Variants in SSH2 observed in about 807,000 individuals in gnomAD.
The protein encoded by SSH2 is protein phosphatase Slingshot homolog 2.
SSH2 carries 37 observed loss-of-function variants against 135.2 expected under a neutral mutation model. The observed-to-expected ratio is 0.27, with a 90% CI of 0.21 to 0.36. The LOEUF is 0.36. Among genes scored for constraint, SSH2 ranks in the 10% least tolerant of loss-of-function variants. The pLI, the probability that SSH2 is intolerant of heterozygous loss-of-function variation, is 1.00. For missense variants in SSH2, 1,408 were observed against 1,765.3 expected, an observed-to-expected ratio of 0.80 and a Z score of 3.63; for synonymous variants, 628 against 646.2, an observed-to-expected ratio of 0.97 and a Z score of 0.43.
rs1484212397 is a variant in SSH2, at chr17:29,627,687, T to C, written c.*3154A>G. The C allele has an allele frequency of 6.6e-6, 1 of 152,610 alleles. No individual in the cohort carries two copies. The highest frequency in any genetic ancestry group is 1.5e-5 in the Non-Finnish European group (1 of 68,032). 9.5% of individuals were successfully genotyped at this position (152,610 alleles called of 1,614,324 possible). On this transcript the variant is annotated 3_prime_UTR_variant, in exon 16 of 16. Transcript: ENST00000540801. Reference sequence around the variant, plus strand: ...GAAAGGCAACTAAAATGAGGAGAGATGAATATTACGGTACTATAGTACTAC... The same window carrying C: ...GAAAGGCAACTAAAATGAGGAGAGACGAATATTACGGTACTATAGTACTAC...
chr17:29,735,552 C>T (rs1409845064), intron 3 of SSH2, among the ~76,000 whole-genome samples: 1 of 151,840 alleles, frequency 6.6e-6, no homozygotes, highest in Non-Finnish European at 1.5e-5. Flanking sequence ...CAAAAATTAG[C>T]TGGGCATGGT....
chr17:29,852,211 G>C (rs1466544139), intron 1 of SSH2, among the ~76,000 whole-genome samples: 1 of 151,726 alleles, frequency 6.6e-6, no homozygotes, highest in Non-Finnish European at 1.5e-5. Context: ...CAACCCGGGA[G>C]ATGAAGGTTG....
intron 14 of SSH2, among the ~76,000 whole-genome samples, chr17:29,640,453 T>C (rs1567835548): frequency 6.6e-6 from 1 of 152,210 alleles, no homozygotes; most frequent in Non-Finnish European, 1.5e-5. Context: ...GTTATGCTAA[T>C]AGGCAGCAAC....
At chr17:29,748,470 G>C (rs986144388) in intron 3 of SSH2, among the ~76,000 whole-genome samples, 3 of 151,824 alleles carry the variant, frequency 2.0e-5, no homozygotes, top group African/African-American at 7.3e-5. Context: ...AATCAAAGAG[G>C]CATCTCGTAC....
intron 5 of SSH2, among the ~76,000 whole-genome samples, chr17:29,690,422 G>T (rs1033450887): frequency 2.0e-4 from 28 of 141,386 alleles, no homozygotes; most frequent in Non-Finnish European, 3.2e-4. Flanking sequence ...AAAAAAAAAA[G>T]ACTTAATTTC....
At chr17:29,748,118 G>GATTT (rs1455206470) in intron 3 of SSH2, among the ~76,000 whole-genome samples, 1 of 152,198 alleles carries the variant, frequency 6.6e-6, no homozygotes, top group Non-Finnish European at 1.5e-5. Context: ...TCATTGTGCA[G>GATTT]ATTTACTTCT....
At chr17:29,823,505 C>T (rs1165514707) in intron 2 of SSH2, among the ~76,000 whole-genome samples, 1 of 152,130 alleles carries the variant, frequency 6.6e-6, no homozygotes, top group African/African-American at 2.4e-5. Context: ...CAGTAACTCC[C>T]TCACCCTGCT....
chr17:29,754,103 G>A (rs2041039539), intron 3 of SSH2, among the ~76,000 whole-genome samples: 2 of 152,152 alleles, frequency 1.3e-5, no homozygotes, highest in African/African-American at 2.4e-5. Flanking sequence ...AAATGTGGAC[G>A]ATGACTTGCC....
intron 3 of SSH2, among the ~76,000 whole-genome samples, chr17:29,730,073 C>T (rs775546046): frequency 6.6e-6 from 1 of 152,090 alleles, no homozygotes; most frequent in Non-Finnish European, 1.5e-5. Flanking sequence ...AAACCCAGCA[C>T]TTCGGGAGAG....
chr17:29,799,674 A>C (rs2042216528), intron 2 of SSH2, among the ~76,000 whole-genome samples: 1 of 151,944 alleles, frequency 6.6e-6, no homozygotes, highest in Non-Finnish European at 1.5e-5. Flanking sequence ...TGTGATGAGA[A>C]TATGTGGATA....
intron 1 of SSH2, among the ~76,000 whole-genome samples, chr17:29,913,347 A>AAAAAAAAAAAATTATATATAT: frequency 3.5e-5 from 1 of 28,786 alleles, no homozygotes; most frequent in Non-Finnish European, 5.9e-5. Flanking sequence ...AAAAAAAAAA[A>AAAAAAAAAAAATTATATATAT]ATATATATAT....
intron 1 of SSH2, among the ~76,000 whole-genome samples, chr17:29,894,870 AC>A (rs889542227): frequency 7.0e-6 from 1 of 143,520 alleles, no homozygotes; most frequent in Admixed American, 7.1e-5. Context: ...ATCTAGCTCC[AC>A]CCCCGCCCCC....
chr17:29,660,400 G>A (rs1016367761), intron 11 of SSH2, among the ~76,000 whole-genome samples: 1 of 151,788 alleles, frequency 6.6e-6, no homozygotes, highest in African/African-American at 2.4e-5. Flanking sequence ...CCGAGTAGCT[G>A]GGACTACAGG....
chr17:29,813,568 A>C (rs1215492372), intron 2 of SSH2, among the ~76,000 whole-genome samples: 1 of 152,276 alleles, frequency 6.6e-6, no homozygotes, highest in South Asian at 2.1e-4. Context: ...CTGTAATCCC[A>C]GCACTTTGGG....
At chr17:29,701,406 T>C (rs2038974786) in intron 4 of SSH2, among the ~76,000 whole-genome samples, 1 of 27,732 alleles carries the variant, frequency 3.6e-5, no homozygotes, top group Admixed American at 4.0e-4. Flanking sequence ...GCCTGGCTCT[T>C]TTTTTTTTTT....
At chr17:29,925,475 G>A (rs571208738) in intron 1 of SSH2, 119 of 398,450 alleles carry the variant, frequency 3.0e-4, no homozygotes, top group Middle Eastern at 1.9e-3. Flanking sequence ...CAATTCTTTA[G>A]GAGGCTGAGA....
In SSH2 at chr17:29,632,301, T is replaced by C. The variant is rs139016718; in HGVS notation, c.2893A>G (p.Ser965Gly). 19 of 1,613,994 alleles carry C rather than the reference T, an allele frequency of 1.2e-5. No homozygotes were observed. The highest frequency in any genetic ancestry group is 2.7e-5 in the African/African-American group (2 of 74,930). Residue 965 changes from serine (S) to glycine (G), a missense_variant, in exon 16 of 16, where the codon AGT becomes GGT. Ser to Gly is a moderately conservative substitution (Grantham distance 56, BLOSUM62 0). Around this residue, in one of 3 missense-constraint regions of SSH2, gnomAD observed 1,080 missense variants for 1,144.5 expected, o/e 0.94. Coordinates refer to ENST00000540801, the MANE Select transcript of SSH2 (RefSeq NM_001282129.2). ...PEMSKGKGKY[S>G]GSEAGSLSHS... Reference sequence around the variant, plus strand: ...GACAGTGAGCCAGCCTCAGACCCACTGTATTTCCCTTTGCCTTTGCTCATT... The same window carrying C: ...GACAGTGAGCCAGCCTCAGACCCACCGTATTTCCCTTTGCCTTTGCTCATT...
chr17:29,737,331 G>C (rs578259872), intron 3 of SSH2, among the ~76,000 whole-genome samples: 64 of 151,898 alleles, frequency 4.2e-4, no homozygotes, highest in Non-Finnish European at 7.9e-4. Flanking sequence ...CTCCCTCCCA[G>C]CTTTCCTTCT....
intron 1 of SSH2, among the ~76,000 whole-genome samples, chr17:29,915,948 T>G (rs1177263756): frequency 6.6e-6 from 1 of 151,148 alleles, no homozygotes; most frequent in Non-Finnish European, 1.5e-5. Flanking sequence ...TCATTTACAT[T>G]AGGTATATCT....
Sources: allele counts gnomAD v4.1 joint callset (sites outside exome capture counted in the v4.1 genomes callset), GRCh38; gene constraint gnomAD v4.1.1; regional missense constraint gnomAD v4.1.1; transcripts MANE v1.5; gene names NCBI Gene and HGNC (gene_info 2026-07-23, HGNC 2026-07-21).